ZNF407: variants seen among roughly 807,000 people sequenced by gnomAD.
ZNF407 encodes zinc finger protein 407.
ZNF407 carries 17 observed loss-of-function variants against 131.2 expected under a neutral mutation model. The ratio of observed to expected loss-of-function variants is 0.13; its 90% CI spans 0.09 to 0.19. The LOEUF is 0.19. Ranked by LOEUF, ZNF407 falls within the 10% of genes least tolerant of loss-of-function variation. The pLI is 1.00. For missense variants in ZNF407, 2,681 were observed against 2,830.6 expected, an observed-to-expected ratio of 0.95 and a Z score of 1.20; for synonymous variants, 1,156 against 1,062.0, an observed-to-expected ratio of 1.09 and a Z score of -1.72.
Position 74,609,508 on chromosome 18 carries a change from A to G in ZNF407, c.-54+11571A>G, listed in dbSNP as rs1316668422. ...AGAAAAGGTGCAGTAAAAATATGGT[A>G]TAAAAGATAAAAAAAAGGTATACTT... On this transcript the variant is annotated intron_variant, in intron 1 of 8. Transcript: ENST00000299687. 2.6e-5 allele frequency among the ~76,000 whole-genome samples: 4 copies of G among 152,234 alleles called. No individual in the cohort carries two copies. The East Asian group carries it at 5.8e-4, about 22-fold the overall frequency.
intron 8 of ZNF407, among the ~76,000 whole-genome samples, chr18:75,005,414 C>T (rs1972896972): frequency 1.3e-5 from 2 of 151,958 alleles, no homozygotes. Context: ...CAGCCCAGAC[C>T]CTGTCCCAAA....
At chr18:74,614,093 TAGC>T (rs1177250855) in intron 1 of ZNF407, among the ~76,000 whole-genome samples, 1 of 152,224 alleles carries the variant, frequency 6.6e-6, no homozygotes, top group African/African-American at 2.4e-5. Flanking sequence ...AAATGAGGAA[TAGC>T]AGTTACAGGA....
intron 4 of ZNF407, among the ~76,000 whole-genome samples, chr18:74,825,014 C>T (rs1487535807): frequency 2.0e-5 from 3 of 152,142 alleles, no homozygotes; most frequent in East Asian, 1.9e-4. Context: ...TTATCCGCTA[C>T]GATCAAGTCG....
intron 8 of ZNF407, among the ~76,000 whole-genome samples, chr18:74,937,403 TTAAAGAC>T (rs753406655): frequency 2.6e-5 from 4 of 152,250 alleles, no homozygotes; most frequent in Non-Finnish European, 4.4e-5. Context: ...GACTGAAACT[TTAAAGAC>T]TAGCACTAGA....
intron 4 of ZNF407, among the ~76,000 whole-genome samples, chr18:74,844,852 A>T (rs1258277477): frequency 2.6e-5 from 4 of 152,008 alleles, no homozygotes; most frequent in African/African-American, 9.7e-5. Context: ...CTTCAATGTT[A>T]AACTCATCCT....
Position 74,631,672 on chromosome 18 carries a change from G to T in ZNF407, c.653G>T (p.Cys218Phe), listed in dbSNP as rs763286050. 1.2e-6 allele frequency: 2 copies of T among 1,613,984 alleles called. No individual in the cohort carries two copies. The highest frequency in any genetic ancestry group is 3.3e-5 in the Admixed American group (2 of 60,026). The change falls in exon 2 of 9, where the codon TGT (cysteine) becomes TTT (phenylalanine). Residue 218 changes from cysteine to phenylalanine, a missense_variant. Physicochemically the swap from Cys to Phe is radical, Grantham distance 205. This residue lies in a region of ZNF407 where 1,789 missense variants were observed against 1,748.7 expected (regional missense o/e 1.02). Transcript: ENST00000299687. ...CAGCAGCCTAAGGAACATACCTGTTGTCACTGCAGCCACAAAGCAGAGAGC... is the reference window on the plus strand; with the variant it reads ...CAGCAGCCTAAGGAACATACCTGTTTTCACTGCAGCCACAAAGCAGAGAGC... Reference protein sequence around the residue: ...HMQQPKEHTCCHCSHKAESSS... With the variant: ...HMQQPKEHTCFHCSHKAESSS...
Position 74,607,032 on chromosome 18 carries a change from C to T in ZNF407, c.-54+9095C>T, listed in dbSNP as rs544111625. Reference sequence around the variant, plus strand: ...TGGCAACCCTATTCCGACTCCTCATCGTCTACTAGGAAAGCTGTGCCCTAC... The same window carrying T: ...TGGCAACCCTATTCCGACTCCTCATTGTCTACTAGGAAAGCTGTGCCCTAC... On this transcript the variant is annotated intron_variant, in intron 1 of 8. Transcript: ENST00000299687. Among the ~76,000 whole-genome samples the T allele has an allele frequency of 2.6e-5, 4 of 152,260 alleles. No homozygotes were observed. In the East Asian group the frequency reaches 5.8e-4, roughly 22 times the overall value.
intron 4 of ZNF407, chr18:74,804,288 C>T: frequency 8.6e-7 from 1 of 1,164,382 alleles, no homozygotes. Context: ...ATAAAATTGT[C>T]ATCATCAATG....
chr18:74,717,269 G>A (rs969461104), intron 3 of ZNF407, among the ~76,000 whole-genome samples: 2 of 152,160 alleles, frequency 1.3e-5, no homozygotes, highest in East Asian at 3.8e-4. Flanking sequence ...TAAGGAGGAG[G>A]CTGTTTTGCT....
chr18:75,046,262 T>G (rs186549364), intron 8 of ZNF407, among the ~76,000 whole-genome samples: 3 of 152,288 alleles, frequency 2.0e-5, no homozygotes, highest in Admixed American at 2.0e-4. Context: ...ATGTTTCCTA[T>G]AGACTAAGCG....
chr18:74,787,386 G>A (rs1332435979), intron 4 of ZNF407, among the ~76,000 whole-genome samples: 2 of 152,116 alleles, frequency 1.3e-5, no homozygotes, highest in Admixed American at 6.6e-5. Context: ...TGGTTGCTTC[G>A]TCAGCAATGT....
chr18:74,872,242 A>G (rs1343930899), intron 4 of ZNF407, among the ~76,000 whole-genome samples: 1 of 148,500 alleles, frequency 6.7e-6, no homozygotes, highest in Non-Finnish European at 1.5e-5. Context: ...CTAGGTTTAC[A>G]TATTTAATAC....
chr18:74,612,466 G>A (rs1029690334), intron 1 of ZNF407, among the ~76,000 whole-genome samples: 24 of 152,216 alleles, frequency 1.6e-4, no homozygotes, highest in Non-Finnish European at 2.2e-4. Flanking sequence ...CATACTCTAC[G>A]TAGGGACTTT....
At chr18:74,942,517 G>A (rs1312713990) in intron 8 of ZNF407, among the ~76,000 whole-genome samples, 2 of 152,168 alleles carry the variant, frequency 1.3e-5, no homozygotes, top group Non-Finnish European at 2.9e-5. Flanking sequence ...TCCCTACTTT[G>A]ACCGGTTTGT....
At chr18:74,662,095 G>A (rs1402380628) in intron 3 of ZNF407, among the ~76,000 whole-genome samples, 1 of 151,054 alleles carries the variant, frequency 6.6e-6, no homozygotes, top group South Asian at 2.1e-4. Flanking sequence ...TTATGCCATC[G>A]AGTCTTTGCA....
Position 74,632,656 on chromosome 18 carries a change from A to T in ZNF407, c.1637A>T (p.His546Leu). The change falls in exon 2 of 9, where the codon CAT becomes CTT. Residue 546 changes from histidine (H) to leucine (L), a missense_variant. His to Leu is a moderately conservative substitution (Grantham distance 99). This residue lies in a region of ZNF407 where 1,789 missense variants were observed against 1,748.7 expected (regional missense o/e 1.02). Transcript: ENST00000299687. ...ACAAATAGGACAGATTTGGAAATCC[A>T]TGTGAAAAGGTGCCATGCCAGAGAG... ...VATNRTDLEI[H>L]VKRCHAREMK... 6.2e-7 allele frequency: 1 copy of T among 1,614,072 alleles called. No homozygotes were observed. The highest frequency in any genetic ancestry group is 1.1e-5 in the South Asian group (1 of 91,090).
At chr18:74,824,570 G>A (rs938078805) in intron 4 of ZNF407, among the ~76,000 whole-genome samples, 2 of 152,134 alleles carry the variant, frequency 1.3e-5, no homozygotes, top group African/African-American at 2.4e-5. Flanking sequence ...TACCATCAGA[G>A]AATACTATAA....
At chr18:74,719,649 C>G (rs558222085) in intron 3 of ZNF407, among the ~76,000 whole-genome samples, 2 of 152,282 alleles carry the variant, frequency 1.3e-5, no homozygotes, top group East Asian at 1.9e-4. Context: ...GTGATCCTCC[C>G]GCCTCAGCCT....
chr18:75,053,681 C>T (rs1973527650), intron 8 of ZNF407, among the ~76,000 whole-genome samples: 1 of 152,220 alleles, frequency 6.6e-6, no homozygotes, highest in Non-Finnish European at 1.5e-5. Context: ...GTAGTTTCTA[C>T]TGGTTAGGAA....
Sources: allele counts gnomAD v4.1 joint callset (sites outside exome capture counted in the v4.1 genomes callset), GRCh38; gene constraint gnomAD v4.1.1; regional missense constraint gnomAD v4.1.1; transcripts MANE v1.5; gene names NCBI Gene and HGNC (gene_info 2026-07-23, HGNC 2026-07-21).